Variants in NOL8 observed in about 807,000 individuals in gnomAD.
The protein encoded by NOL8 is nucleolar protein 8.
A neutral mutation model predicts 116.1 loss-of-function variants in NOL8; 93 were observed. That is an observed-to-expected ratio of 0.80 (90% CI 0.68 to 0.95). NOL8 has a LOEUF of 0.95. Among genes scored for constraint, NOL8 ranks in the 40% least tolerant of loss-of-function variants. NOL8 has a pLI of 0.00. For missense variants in NOL8, 1,291 were observed against 1,382.8 expected, an observed-to-expected ratio of 0.93 and a Z score of 1.05; for synonymous variants, 419 against 469.0, an observed-to-expected ratio of 0.89 and a Z score of 1.38.
In NOL8 at chr9:92,315,017, T is replaced by C; in HGVS notation, c.1608A>G (p.Arg536=). 2 of 1,614,032 alleles carry C rather than the reference T, an allele frequency of 1.2e-6. No individual in the cohort carries two copies. The highest frequency in any genetic ancestry group is 1.7e-6 in the Non-Finnish European group (2 of 1,179,872). ...PKTPTGLRRG[R]QCIRPAEIVA... ...CAATCTCCGCAGGACGAATACACTG[T>C]CGGCCTCTGCGGAGGCCAGTGGGAG... Residue 536 remains arginine, a synonymous_variant, in exon 7 of 17, where the codon CGA becomes CGG. Coordinates refer to ENST00000442668, the MANE Select transcript of NOL8 (RefSeq NM_017948.6).
intron 9 of NOL8, 73 bp downstream of exon 9, chr9:92,310,480 T>G: frequency 6.7e-7 from 1 of 1,500,500 alleles, no homozygotes; most frequent in South Asian, 1.3e-5. Flanking sequence ...CTGCCTGCAT[T>G]TACCCAGATT....
intron 10 of NOL8, among the ~76,000 whole-genome samples, chr9:92,309,257 C>T (rs1564215603): frequency 6.6e-6 from 1 of 152,166 alleles, no homozygotes; most frequent in Non-Finnish European, 1.5e-5. Flanking sequence ...AAAAAGCCAA[C>T]TGCTACTGAA....
intron 12 of NOL8, 52 bp downstream of exon 12, chr9:92,305,701 A>G (rs1038498698): frequency 8.6e-6 from 11 of 1,274,290 alleles, no homozygotes; most frequent in African/African-American, 1.5e-5. Context: ...TAATTGTCTG[A>G]AATGAGATTA....
At chr9:92,310,044 T>C (rs1838627364) in intron 10 of NOL8, 127 bp downstream of exon 10, 1 of 660,454 alleles carries the variant, frequency 1.5e-6, no homozygotes. Context: ...TACATTTGAT[T>C]ATAAACTCCT....
At position 92,314,447 on chromosome 9, in the gene NOL8, G is replaced by GA; in HGVS notation, c.2177dup (p.Ser727LeufsTer11). On this transcript the variant is annotated frameshift_variant, in exon 7 of 17. Transcript: ENST00000442668. LOFTEE classifies it high-confidence loss of function. ...TGATTTCCCGAGTGTCCTTGGATGAGACCTTTGGTGATTTCTTGAGAGATG... is the reference window on the plus strand; with the variant it reads ...TGATTTCCCGAGTGTCCTTGGATGAGAACCTTTGGTGATTTCTTGAGAGATG... 6 of 1,612,906 alleles carry GA rather than the reference G, an allele frequency of 3.7e-6. No homozygotes were observed. Among genetic ancestry groups the GA allele is most frequent in the Non-Finnish European group, 5.1e-6 (6 of 1,178,998 alleles).
intron 13 of NOL8, chr9:92,300,737 C>G: frequency 8.5e-7 from 1 of 1,180,130 alleles, no homozygotes; most frequent in Non-Finnish European, 1.1e-6. Flanking sequence ...TTTAAAGTAC[C>G]ACGGAGTTGG....
intron 4 of NOL8, chr9:92,319,975 C>G (rs1839786942): frequency 2.3e-6 from 1 of 433,722 alleles, no homozygotes; most frequent in African/African-American, 2.0e-5. Flanking sequence ...TCCCAGTTCC[C>G]CTTTATGGAA....
chr9:92,303,835 A>G (rs1216909387), intron 12 of NOL8, among the ~76,000 whole-genome samples: 2 of 152,100 alleles, frequency 1.3e-5, no homozygotes, highest in African/African-American at 2.4e-5. Context: ...ATAAACTTCA[A>G]TTGTTCAAAC....
At chr9:92,307,048 T>C (rs1344733953) in intron 10 of NOL8, 24 bp from the exon 11 acceptor site, 4 of 1,598,398 alleles carry the variant, frequency 2.5e-6, no homozygotes, top group Non-Finnish European at 3.4e-6. Flanking sequence ...GGATAATTAA[T>C]ACTCTCTTGG....
At chr9:92,323,208 T>G in intron 3 of NOL8, 3 of 1,174,938 alleles carry the variant, frequency 2.6e-6, no homozygotes, top group Non-Finnish European at 3.4e-6. Context: ...CCAAAATATT[T>G]GAGAATAGCA....
intron 3 of NOL8, among the ~76,000 whole-genome samples, chr9:92,322,337 AG>A (rs1484108422): frequency 1.3e-5 from 2 of 152,294 alleles, no homozygotes; most frequent in African/African-American, 2.4e-5. Context: ...AGAATTTTGT[AG>A]GTGGTAGATA....
rs368688393 is a variant in NOL8, at chr9:92,321,655, G to A, written c.281+13C>T. ...AAAAAATAGGGCTTAAATCCATGTG[G>A]AGCAAAACTTACCTGTGCAGAAAGC... On this transcript the variant is annotated intron_variant, in intron 4 of 16. Coordinates refer to ENST00000442668, the MANE Select transcript of NOL8 (RefSeq NM_017948.6). The A allele has an allele frequency of 2.1e-4, 316 of 1,491,944 alleles. No individual in the cohort carries two copies. In the African/African-American group the frequency reaches 4.0e-3, roughly 19 times the overall value. 92.4% of individuals were successfully genotyped at this position (1,491,944 alleles called of 1,614,324 possible).
intron 13 of NOL8, among the ~76,000 whole-genome samples, 200 bp downstream of exon 13, chr9:92,301,351 T>C (rs1368795620): frequency 6.6e-6 from 1 of 152,208 alleles, no homozygotes; most frequent in East Asian, 1.9e-4. Context: ...AGAGATTTGC[T>C]TCCTTAAATG....
intron 13 of NOL8, chr9:92,300,250 G>C: frequency 2.8e-6 from 3 of 1,083,362 alleles, no homozygotes; most frequent in Non-Finnish European, 3.4e-6. Context: ...GATAAGGACA[G>C]CAGTAATATA....
At chr9:92,318,033 CAAAAAAAAAAAAAA>C (rs745928872) in intron 6 of NOL8, among the ~76,000 whole-genome samples, 26 of 34,602 alleles carry the variant, frequency 7.5e-4, no homozygotes, top group Non-Finnish European at 1.1e-3. Flanking sequence ...GACTCCATCT[CAAAAAAAAAAAAAA>C]AAAAAAAAAA....
At chr9:92,297,972 T>C in intron 16 of NOL8, 86 bp from the exon 17 acceptor site, 1 of 1,157,476 alleles carries the variant, frequency 8.6e-7, no homozygotes, top group Middle Eastern at 2.0e-4. Flanking sequence ...TTATTCTCAC[T>C]GTCAGGGCTG....
chr9:92,308,491 T>G (rs1466255553), intron 10 of NOL8, among the ~76,000 whole-genome samples: 2 of 152,136 alleles, frequency 1.3e-5, no homozygotes, highest in African/African-American at 4.8e-5. Context: ...TAACACAAAC[T>G]CAGGAAAGCC....
Position 92,305,742 on chromosome 9 carries a change from G to C in NOL8, c.2903+11C>G. The C allele has an allele frequency of 1.3e-6, 2 of 1,564,546 alleles. No individual in the cohort carries two copies. The highest frequency in any genetic ancestry group is 1.8e-6 in the Non-Finnish European group (2 of 1,136,126). On this transcript the variant is annotated intron_variant, in intron 12 of 16. Coordinates refer to ENST00000442668, the MANE Select transcript of NOL8 (RefSeq NM_017948.6). ...CATGATCCTATTGCTAAAAGAAGTA[G>C]CTCTACTTACCTTTCTTTTGGCTTA... is the stretch of plus-strand genomic sequence containing the variant.
intron 6 of NOL8, among the ~76,000 whole-genome samples, chr9:92,316,555 T>C (rs1184361507): frequency 1.3e-5 from 2 of 152,206 alleles, no homozygotes; most frequent in Admixed American, 1.3e-4. Flanking sequence ...TCAAATTCTT[T>C]TGGCTATTTC....
Sources: gnomAD v4.1 joint callset for allele counts (sites outside exome capture counted in the v4.1 genomes callset) on GRCh38, gnomAD v4.1.1 for gene constraint, MANE v1.5 for transcripts, NCBI Gene and HGNC (gene_info 2026-07-23, HGNC 2026-07-21) for gene names.